The following NEO1 variants were observed in gnomAD, a reference collection of about 807,000 sequenced individuals.
The protein encoded by NEO1 is neogenin.
NEO1 carries 63 observed loss-of-function variants against 159.7 expected under a neutral mutation model. That is an observed-to-expected ratio of 0.39 (90% CI 0.32 to 0.49). The LOEUF (loss-of-function observed/expected upper bound fraction) is 0.49, where lower values mean the gene tolerates loss of function less well. Ranked by LOEUF, NEO1 falls within the 20% of genes least tolerant of loss-of-function variation. The pLI is 0.85. For synonymous variants in NEO1, 633 were observed against 662.0 expected (o/e 0.96, Z 0.67); for missense variants, 1,615 against 1,831.0 (o/e 0.88, Z 2.15).
chr15:73,053,619 ATAT>A (rs1315886565), intron 1 of NEO1, among the ~76,000 whole-genome samples: 2 of 152,330 alleles, frequency 1.3e-5, no homozygotes, highest in African/African-American at 4.8e-5. Flanking sequence ...CTTTTTTGGA[ATAT>A]TATAGATTAC....
intron 1 of NEO1, among the ~76,000 whole-genome samples, chr15:73,091,865 G>T (rs2069713789): frequency 6.6e-6 from 1 of 151,306 alleles, no homozygotes; most frequent in Admixed American, 6.6e-5. Context: ...GGACTCAAGT[G>T]ATCCTCCCAC....
intron 4 of NEO1, among the ~76,000 whole-genome samples, chr15:73,134,546 A>G (rs1467471213): frequency 1.3e-5 from 2 of 151,540 alleles, no homozygotes; most frequent in Non-Finnish European, 2.9e-5. Context: ...TTTTAATCCT[A>G]TAAGGAATTC....
Position 73,126,280 on chromosome 15 carries a change from C to G in NEO1, c.725-137C>G, listed in dbSNP as rs547292719. 4.6e-6 allele frequency: 3 copies of G among 658,702 alleles called. No homozygotes were observed. In the Admixed American group the frequency reaches 9.1e-5, roughly 20 times the overall value. The allele number at this position is 658,702 out of a possible 1,614,324, so 40.8% of individuals were successfully genotyped here. On this transcript the variant is annotated intron_variant, in intron 3 of 28. Coordinates refer to ENST00000261908, the MANE Select transcript of NEO1 (RefSeq NM_002499.4). ...TGATGGGGTCTTGCTATATTGCCTA[C>G]GCTGGTCTCAAACTCCTGGGCTCAA...
intron 1 of NEO1, among the ~76,000 whole-genome samples, chr15:73,056,568 T>A (rs185167753): frequency 6.6e-6 from 1 of 152,236 alleles, no homozygotes; most frequent in Non-Finnish European, 1.5e-5. Context: ...TGCCTTTGTT[T>A]TTAACCCGTA....
intron 1 of NEO1, among the ~76,000 whole-genome samples, chr15:73,110,959 C>G (rs2070948813): frequency 6.6e-6 from 1 of 151,926 alleles, no homozygotes; most frequent in Admixed American, 6.6e-5. Flanking sequence ...GGATTGTTCT[C>G]CACCACCACC....
In NEO1 at chr15:73,288,250, G is replaced by A. The variant is rs2042024543; in HGVS notation, c.3411-63G>A. ...CAGAAAGGAAGTTTTAATCACTCAA[G>A]CCTTTTGACAAATACGTTCAAATGA... is the stretch of plus-strand genomic sequence containing the variant. On this transcript the variant is annotated intron_variant, in intron 23 of 28. Coordinates refer to ENST00000261908, the MANE Select transcript of NEO1 (RefSeq NM_002499.4). 6.7e-6 allele frequency: 10 copies of A among 1,496,956 alleles called. No individual in the cohort carries two copies. The South Asian group carries it at 8.2e-5, about 12-fold the overall frequency. The allele number at this position is 1,496,956 out of a possible 1,614,324, so 92.7% of individuals were successfully genotyped here. A position where few individuals can be genotyped will look rare whatever the true frequency, so the allele number is the denominator to read the frequency against.
intron 4 of NEO1, 189 bp downstream of exon 4, chr15:73,126,759 C>G (rs184181084): frequency 3.9e-5 from 20 of 508,090 alleles, no homozygotes; most frequent in Non-Finnish European, 6.2e-5. Flanking sequence ...AAGATACTTT[C>G]AAAATATTAA....
At chr15:73,115,803 A>T (rs10467949) in intron 1 of NEO1, among the ~76,000 whole-genome samples, 1 of 151,994 alleles carries the variant, frequency 6.6e-6, no homozygotes, top group Non-Finnish European at 1.5e-5. Context: ...AAGAACTGAC[A>T]GGGACTTAGA....
intron 1 of NEO1, among the ~76,000 whole-genome samples, chr15:73,061,704 C>A (rs989563880): frequency 6.6e-6 from 1 of 152,220 alleles, no homozygotes; most frequent in African/African-American, 2.4e-5. Context: ...TCCAACCCTT[C>A]TTCCCAGAGT....
chr15:73,066,997 G>C, intron 1 of NEO1, among the ~76,000 whole-genome samples: 1 of 152,280 alleles, frequency 6.6e-6, no homozygotes, highest in Middle Eastern at 3.4e-3. Flanking sequence ...TATTCTCAGC[G>C]GGAGAATTGG....
At chr15:73,157,722 G>C (rs1416538859) in intron 5 of NEO1, among the ~76,000 whole-genome samples, 1 of 152,142 alleles carries the variant, frequency 6.6e-6, no homozygotes, top group Non-Finnish European at 1.5e-5. Context: ...CACAATTTTT[G>C]TTCTTCTAAG....
intron 5 of NEO1, among the ~76,000 whole-genome samples, chr15:73,167,316 A>G (rs2034645221): frequency 6.6e-6 from 1 of 151,502 alleles, no homozygotes; most frequent in South Asian, 2.1e-4. Context: ...TCTATAGGGA[A>G]CCAAACATCC....
chr15:73,184,168 T>C (rs1014025647), intron 7 of NEO1, among the ~76,000 whole-genome samples: 1 of 152,092 alleles, frequency 6.6e-6, no homozygotes, highest in Non-Finnish European at 1.5e-5. Context: ...TTAATTAATT[T>C]TTTTGAGACG....
chr15:73,086,484 A>G (rs1477214369), intron 1 of NEO1, among the ~76,000 whole-genome samples: 1 of 151,322 alleles, frequency 6.6e-6, no homozygotes, highest in Non-Finnish European at 1.5e-5. Flanking sequence ...CTGGAATTGT[A>G]TTAAGTTCAT....
At chr15:73,107,081 C>T (rs926200353) in intron 1 of NEO1, among the ~76,000 whole-genome samples, 4 of 152,284 alleles carry the variant, frequency 2.6e-5, no homozygotes, top group East Asian at 3.9e-4. Context: ...CAAGCATTCT[C>T]GCCCCTTGTT....
rs759258744 is a variant in NEO1, at chr15:73,260,421, T to C, written c.2354T>C (p.Ile785Thr). ...ATTGGCAGCCCTCATGCCCAGACCATCAAAGTGGACTATAAACAGCGCTAT... is the reference window on the plus strand; with the variant it reads ...ATTGGCAGCCCTCATGCCCAGACCACCAAAGTGGACTATAAACAGCGCTAT... Reference protein sequence around the residue: ...YGIGSPHAQTIKVDYKQRYYT... With the variant: ...YGIGSPHAQTTKVDYKQRYYT... The change falls in exon 15 of 29, where the codon ATC becomes ACC. Residue 785 changes from isoleucine to threonine, a missense_variant. Ile to Thr is a moderately conservative substitution (Grantham distance 89). Coordinates refer to ENST00000261908, the MANE Select transcript of NEO1 (RefSeq NM_002499.4). 2.5e-6 allele frequency: 4 copies of C among 1,613,906 alleles called. No homozygotes were observed. In the Admixed American group the frequency reaches 6.7e-5, roughly 27 times the overall value.
rs1209697975 is a variant in NEO1 at position 73,260,474 on chromosome 15, G to T, written c.2398+9G>T. On this transcript the variant is annotated intron_variant, in intron 15 of 28. Transcript: ENST00000261908. ...CACCATTGAAAATCTGGGTATGTTT[G>T]CTAAGTAGAGAAAGTTAATTGTGTG... The T allele has an allele frequency of 1.3e-6, 2 of 1,570,098 alleles. No homozygotes were observed. Among genetic ancestry groups the T allele is most frequent in the Admixed American group, 3.4e-5 (2 of 58,336 alleles).
intron 11 of NEO1, among the ~76,000 whole-genome samples, chr15:73,252,913 C>T (rs1185556713): frequency 6.6e-6 from 1 of 152,108 alleles, no homozygotes; most frequent in Non-Finnish European, 1.5e-5. Flanking sequence ...TCGCTTGAAC[C>T]CAGGAGGCAG....
chr15:73,178,059 A>T (rs2035383754), intron 6 of NEO1, among the ~76,000 whole-genome samples: 1 of 152,150 alleles, frequency 6.6e-6, no homozygotes, highest in Non-Finnish European at 1.5e-5. Context: ...GCAAACAGTG[A>T]GAGTATGACT....
Sources: allele counts gnomAD v4.1 joint callset (sites outside exome capture counted in the v4.1 genomes callset), GRCh38; gene constraint gnomAD v4.1.1; transcripts MANE v1.5; gene names NCBI Gene and HGNC (gene_info 2026-07-23, HGNC 2026-07-21).